The following FMR1 variants were observed in gnomAD, a reference collection of about 807,000 sequenced individuals.
FMR1 encodes the protein FMRP translational regulator 1.
In FMR1, 13 loss-of-function variants were observed where a neutral mutation model predicts 50.6. That is an observed-to-expected ratio of 0.26 (90% CI 0.17 to 0.41). FMR1 has a LOEUF of 0.41. Among genes scored for constraint, FMR1 ranks in the 10% least tolerant of loss-of-function variants. The pLI, the probability that FMR1 is intolerant of heterozygous loss-of-function variation, is 1.00. For missense variants in FMR1, 316 were observed against 491.3 expected (o/e 0.64, Z 3.37); for synonymous variants, 138 against 164.1 (o/e 0.84, Z 1.22).
chrX:147,925,524 G>GT lies in FMR1; in HGVS notation c.105-13dup, dbSNP rs782142501. The GT allele has an allele frequency of 2.0e-5, 22 of 1,102,200 alleles. No homozygotes were observed. The African/African-American group carries it at 3.6e-4, about 18-fold the overall frequency. The allele number at this position is 1,102,200 out of a possible 1,213,427, so 90.8% of individuals were successfully genotyped here. A position where few individuals can be genotyped will look rare whatever the true frequency, so the allele number is the denominator to read the frequency against. On this transcript the variant is annotated splice_polypyrimidine_tract_variant and intron_variant, in intron 2 of 16. Coordinates refer to ENST00000370475, the MANE Select transcript of FMR1 (RefSeq NM_002024.6). ...TGAAAAGCATGTTAAATAATTGTAT[G>GT]TTTGCTTATTTACAGCTGGCAGCCT...
At chrX:147,948,651 T>G (rs2044255135) in intron 16 of FMR1, 32 bp from the exon 17 acceptor site, 1 of 1,211,583 alleles carries the variant, frequency 8.3e-7, no homozygotes, top group Non-Finnish European at 1.1e-6. Flanking sequence ...TAGGATATGG[T>G]CTGTGTATAT....
chrX:147,942,265 T>A (rs1055860850), intron 13 of FMR1, among the ~76,000 whole-genome samples: 1 of 112,160 alleles, frequency 8.9e-6, no homozygotes, highest in Non-Finnish European at 1.9e-5. Context: ...CGCCTACTAC[T>A]ACTATAGTTA....
chrX:147,928,566 A>G lies in FMR1; in HGVS notation c.271-93A>G. ...TTCTGTTGGTCATAAATTTTTTCAC[A>G]TAGATTATTTATTTTAAAATAACTG... On this transcript the variant is annotated intron_variant, in intron 4 of 16. Coordinates refer to ENST00000370475, the MANE Select transcript of FMR1 (RefSeq NM_002024.6). 5.6e-6 allele frequency: 5 copies of G among 895,436 alleles called. No individual in the cohort carries two copies. In the South Asian group the frequency reaches 9.3e-5, roughly 17 times the overall value. The allele number at this position is 895,436 out of a possible 1,213,427, so 73.8% of individuals were successfully genotyped here.
At chrX:147,943,746 T>C (rs781878253) in intron 14 of FMR1, 30 of 129,251 alleles carry the variant, frequency 2.3e-4, no homozygotes, top group Non-Finnish European at 4.2e-4. Context: ...TTGAGTGACA[T>C]GGCCAAAGTC....
rs587780338 is a variant in FMR1 at position 147,948,696 on chromosome X, G to A, written c.1751G>A (p.Cys584Tyr). The change falls in exon 17 of 17, where the codon TGC becomes TAC. Residue 584 changes from cysteine (C) to tyrosine (Y), a missense_variant. Physicochemically the swap from Cys to Tyr is radical, Grantham distance 194. Coordinates refer to ENST00000370475, the MANE Select transcript of FMR1 (RefSeq NM_002024.6). ...AACTTGTTTTAGATCAGAGTTGACT[G>A]CAATAATGAAAGGAGTGTCCACACT... is the stretch of plus-strand genomic sequence containing the variant. ...TDGSLQIRVD[C>Y]NNERSVHTKT... 4.6e-5 allele frequency: 56 copies of A among 1,209,968 alleles called. No homozygotes were observed. In the South Asian group the frequency reaches 9.3e-4, roughly 20 times the overall value.
chrX:147,944,625 C>T, intron 14 of FMR1: 1 of 1,019,052 alleles, frequency 9.8e-7, no homozygotes, highest in Non-Finnish European at 1.2e-6. Flanking sequence ...TGGCTAATAA[C>T]ATACCTTTTT....
At chrX:147,912,348 C>A in intron 1 of FMR1, 118 bp downstream of exon 1, 1 of 697,650 alleles carries the variant, frequency 1.4e-6, no homozygotes, top group Non-Finnish European at 2.2e-6. Context: ...GGTGCCAGGG[C>A]ACGCTCGGCG....
Position 147,921,918 on chromosome X carries a change from T to G in FMR1, c.52-15T>G, listed in dbSNP as rs1381894799. ...TTTAAGCTCACAAGTTAATTTAACG[T>G]TTTTTCTTACACAGGCATTTGTAAA... On this transcript the variant is annotated splice_polypyrimidine_tract_variant and intron_variant, in intron 1 of 16. Coordinates refer to ENST00000370475, the MANE Select transcript of FMR1 (RefSeq NM_002024.6). The G allele has an allele frequency of 8.9e-7, 1 of 1,128,858 alleles. No homozygotes were observed. The highest frequency in any genetic ancestry group is 1.2e-6 in the Non-Finnish European group (1 of 822,667). 93.0% of individuals were successfully genotyped at this position (1,128,858 alleles called of 1,213,427 possible). A position where few individuals can be genotyped will look rare whatever the true frequency, so the allele number is the denominator to read the frequency against.
intron 14 of FMR1, 38 bp from the exon 15 acceptor site, chrX:147,944,829 TAA>T: frequency 8.6e-7 from 1 of 1,164,660 alleles, no homozygotes; most frequent in Non-Finnish European, 1.1e-6. Flanking sequence ...TTTTTTTTTT[TAA>T]AGTCAGACAA....
intron 9 of FMR1, among the ~76,000 whole-genome samples, chrX:147,934,602 G>T (rs1318857891): frequency 9.0e-6 from 1 of 111,680 alleles, no homozygotes; most frequent in East Asian, 2.8e-4. Flanking sequence ...TGGATTATTT[G>T]CTATTAAATA....
chrX:147,921,694 C>T (rs782424150), intron 1 of FMR1, among the ~76,000 whole-genome samples: 1 of 111,545 alleles, frequency 9.0e-6, no homozygotes, highest in African/African-American at 3.3e-5. Context: ...ATGTTGAAAT[C>T]TGTGGAGAAT....
chrX:147,950,711 G>A lies in FMR1; in HGVS notation c.*1867G>A, dbSNP rs148216485. 6.8e-3 allele frequency: 2,215 copies of A among 325,331 alleles called. 37 individuals carry two copies. The highest frequency in any genetic ancestry group is 0.054 in the African/African-American group (2,038 of 37,644). The allele number at this position is 325,331 out of a possible 1,213,427, so 26.8% of individuals were successfully genotyped here. ...CTAGGAAAAGAAATCTATAGAAAGT[G>A]TTCTGTTACAAAATGTAACTGTTAC... On this transcript the variant is annotated 3_prime_UTR_variant, in exon 17 of 17. Transcript: ENST00000370475.
At chrX:147,923,378 G>T (rs892340502) in intron 2 of FMR1, among the ~76,000 whole-genome samples, 1 of 111,928 alleles carries the variant, frequency 8.9e-6, no homozygotes, top group Admixed American at 9.5e-5. Flanking sequence ...CACACCAACA[G>T]AGGAATCTTT....
intron 14 of FMR1, 46 bp from the exon 15 acceptor site, chrX:147,944,823 T>C (rs1569546054): frequency 4.2e-6 from 5 of 1,181,784 alleles, no homozygotes; most frequent in Non-Finnish European, 4.5e-6. Context: ...CTCTTTTTTT[T>C]TTTTTTAAAG....
chrX:147,928,406 CTATT>C lies in FMR1; in HGVS notation c.270+16_270+19del, dbSNP rs1557177923. 4 of 1,164,943 alleles carry C rather than the reference CTATT, an allele frequency of 3.4e-6. No individual in the cohort carries two copies. Among genetic ancestry groups the C allele is most frequent in the Non-Finnish European group, 4.7e-6 (4 of 853,961 alleles). On this transcript the variant is annotated intron_variant, in intron 4 of 16. Coordinates refer to ENST00000370475, the MANE Select transcript of FMR1 (RefSeq NM_002024.6). The stretch of plus-strand genomic sequence containing the variant: ...GATAAAGGGTGAGGTAGGAAAATGC[CTATT>C]TAAATTTTTTTCTTATATTGTTTCC...
At position 147,948,749 on chromosome X, in the gene FMR1, G is replaced by T. The variant is rs782710801; in HGVS notation, c.1804G>T (p.Gly602Cys). ...TKTLQNTSSE[G>C]SRLRTGKDRN... The stretch of plus-strand genomic sequence containing the variant: ...AACATTACAGAATACCTCCAGTGAA[G>T]GTAGTCGGCTGCGCACGGGTAAAGA... Residue 602 changes from glycine (G) to cysteine (C), a missense_variant, in exon 17 of 17, where the codon GGT (glycine) becomes TGT (cysteine). By Grantham distance (159) the Gly-to-Cys change is radical. Coordinates refer to ENST00000370475, the MANE Select transcript of FMR1 (RefSeq NM_002024.6). 8.3e-7 allele frequency: 1 copy of T among 1,211,609 alleles called. No homozygotes were observed.
At chrX:147,912,624 G>A (rs1407744398) in intron 1 of FMR1, 3 of 302,440 alleles carry the variant, frequency 9.9e-6, no homozygotes, top group Non-Finnish European at 1.7e-5. Flanking sequence ...ATCCGGGCCT[G>A]TCGTGTGGGT....
intron 2 of FMR1, among the ~76,000 whole-genome samples, chrX:147,924,520 T>A (rs2043316584): frequency 9.7e-6 from 1 of 103,118 alleles, no homozygotes; most frequent in South Asian, 4.4e-4. Flanking sequence ...TATATATTTT[T>A]TTTTTTTTAA....
rs183138505 is a variant in FMR1, at chrX:147,920,023, C to T, written c.52-1910C>T. Among the ~76,000 whole-genome samples the T allele has an allele frequency of 3.0e-3, 331 of 112,041 alleles. 3 individuals are homozygous for T. Among genetic ancestry groups the T allele is most frequent in the Non-Finnish European group, 5.2e-3 (276 of 53,168 alleles). ...AAACTATGCCATTTACTGAGGACAC[C>T]GAAGTTAGAGAATGGTCTTAATCCG... On this transcript the variant is annotated intron_variant, in intron 1 of 16. Coordinates refer to ENST00000370475, the MANE Select transcript of FMR1 (RefSeq NM_002024.6).
Sources: gnomAD v4.1 joint callset for allele counts (sites outside exome capture counted in the v4.1 genomes callset) on GRCh38, gnomAD v4.1.1 for gene constraint, MANE v1.5 for transcripts, NCBI Gene and HGNC (gene_info 2026-07-23, HGNC 2026-07-21) for gene names.